The following PDLIM2 variants were observed in gnomAD, a reference collection of about 807,000 sequenced individuals.
PDLIM2 encodes PDZ and LIM domain protein 2.
PDLIM2 carries 51 observed loss-of-function variants against 54.1 expected under a neutral mutation model. The observed-to-expected ratio is 0.94, with a 90% confidence interval of 0.75 to 1.19. The LOEUF is 1.19. Among genes scored for constraint, PDLIM2 ranks in the 50% most tolerant of loss-of-function variants. The pLI, the probability that PDLIM2 is intolerant of heterozygous loss-of-function variation, is 0.00. For missense variants in PDLIM2, 912 were observed against 874.0 expected (o/e 1.04, Z -0.55); for synonymous variants, 398 against 385.6 (o/e 1.03, Z -0.38).
chr8:22,579,074 G>A, exon 1 of PDLIM2: 1 of 1,251,128 alleles, frequency 8.0e-7, no homozygotes, highest in Non-Finnish European at 1.0e-6. Flanking sequence ...CGGCAGGGGC[G>A]GCCCCGGGAT....
chr8:22,589,590 C>T lies in PDLIM2; in HGVS notation c.1368-6C>T. ...CCCTCATTCCTGGCTGCCTCCCACC[C>T]TGCAGCATGGACTCGGAAGGGGGAA... On this transcript the variant is annotated splice_region_variant and splice_polypyrimidine_tract_variant and intron_variant, in intron 7 of 9. Coordinates refer to ENST00000308354, the Ensembl canonical transcript of PDLIM2. 6.2e-7 allele frequency: 1 copy of T among 1,600,906 alleles called. No individual in the cohort carries two copies.
At position 22,581,286 on chromosome 8, in the gene PDLIM2, C is replaced by T. The variant is rs1044950253; in HGVS notation, c.844-93C>T. The T allele has an allele frequency of 2.9e-5, 44 of 1,494,184 alleles. No homozygotes were observed. In the African/African-American group the frequency reaches 4.0e-4, roughly 14 times the overall value. The allele number at this position is 1,494,184 out of a possible 1,614,324, so 92.6% of individuals were successfully genotyped here. A position where few individuals can be genotyped will look rare whatever the true frequency, so the allele number is the denominator to read the frequency against. ...CAGGAGGGTGCAGGCCGGCCTGGGTCAAGCCAGCCTCTGTGTTTCTTGGGT... is the reference window on the plus strand; with the variant it reads ...CAGGAGGGTGCAGGCCGGCCTGGGTTAAGCCAGCCTCTGTGTTTCTTGGGT... On this transcript the variant is annotated intron_variant, in intron 2 of 9. Coordinates refer to ENST00000308354, the Ensembl canonical transcript of PDLIM2.
rs368608284 is a variant in PDLIM2 at position 22,589,772 on chromosome 8, G to A, written c.1513+31G>A. ...GGTCTGGGGGGCTGGGGAGGGGAAGGAGGTTCCCTTCCGTACCCCGGGCCC... is the reference window on the plus strand; with the variant it reads ...GGTCTGGGGGGCTGGGGAGGGGAAGAAGGTTCCCTTCCGTACCCCGGGCCC... On this transcript the variant is annotated intron_variant, in intron 8 of 9. Transcript: ENST00000308354. The A allele has an allele frequency of 2.6e-4, 408 of 1,554,000 alleles. 3 individuals carry two copies. Among genetic ancestry groups the A allele is most frequent in the Non-Finnish European group, 9.2e-5 (106 of 1,148,628 alleles).
At chr8:22,580,336 G>C (rs1800151482) in intron 1 of PDLIM2, 139 bp from the exon 1 acceptor site, 7 of 693,448 alleles carry the variant, frequency 1.0e-5, no homozygotes, top group Non-Finnish European at 1.3e-5. Context: ...CTGGCAGCCT[G>C]GGCAGCCCCC....
intron 9 of PDLIM2, 111 bp from the exon 9 acceptor site, chr8:22,593,622 C>T: frequency 1.5e-6 from 1 of 650,430 alleles, no homozygotes; most frequent in Non-Finnish European, 2.4e-6. Flanking sequence ...TCTGAGAAGG[C>T]TTTGGGCTCC....
chr8:22,593,900 C>T lies in PDLIM2; in HGVS notation c.1799C>T (p.Ser600Phe), dbSNP rs772541765. Residue 600 changes from serine to phenylalanine, a missense_variant, in exon 10 of 10, where the codon TCT becomes TTT. By Grantham distance (155) the Ser-to-Phe change is radical. Coordinates refer to ENST00000308354, the Ensembl canonical transcript of PDLIM2. ...TACTCCGCACCTGCCACCCTCAGCT[C>T]TCGGGCCTGAGCCCGCCATGCCCTC... is the stretch of plus-strand genomic sequence containing the variant. 44 of 1,546,284 alleles carry T rather than the reference C, an allele frequency of 2.8e-5. No individual in the cohort carries two copies. The East Asian group carries it at 8.8e-4, about 31-fold the overall frequency.
intron 2 of PDLIM2, 149 bp downstream of exon 1, chr8:22,580,846 CCCTTT>C: frequency 1.1e-6 from 1 of 896,130 alleles, no homozygotes; most frequent in Non-Finnish European, 1.8e-6. Flanking sequence ...GGAGCCGTGG[CCCTTT>C]GCCACGGGGA....
rs762668954 is a variant in PDLIM2 at position 22,593,850 on chromosome 8, C to A, written c.1749C>A (p.Tyr583Ter). Residue 583 changes from tyrosine (Y) to a stop codon, truncating the protein, a stop_gained, in exon 10 of 10, where the codon TAC becomes TAA. Coordinates refer to ENST00000308354, the Ensembl canonical transcript of PDLIM2. LOFTEE classifies it high-confidence loss of function. ...ACTTCTGGGTGGGTGACGAGCTGTA[C>A]TGTGAGAAGCATGCCCGCCAGCGCT... 1 of 1,574,588 alleles carries A rather than the reference C, an allele frequency of 6.4e-7. No individual in the cohort carries two copies.
chr8:22,584,981 G>T (rs1211999753), intron 4 of PDLIM2, 36 bp from the exon 4 acceptor site: 1 of 1,613,112 alleles, frequency 6.2e-7, no homozygotes, highest in Non-Finnish European at 8.5e-7. Context: ...TGGCGGGGCA[G>T]CCCTGCCTTT....
intron 5 of PDLIM2, 59 bp downstream of exon 4, chr8:22,585,221 C>A (rs1800341044): frequency 1.9e-6 from 3 of 1,605,104 alleles, no homozygotes; most frequent in African/African-American, 1.3e-5. Flanking sequence ...CAGGCTGGCT[C>A]CTCTGAGTCT....
intron 8 of PDLIM2, chr8:22,590,010 G>A (rs1372213861): frequency 6.4e-6 from 3 of 465,540 alleles, no homozygotes; most frequent in Non-Finnish European, 1.2e-5. Context: ...TGATAAAAGC[G>A]GTGGCAGGGC....
chr8:22,581,144 C>G, intron 2 of PDLIM2: 1 of 665,330 alleles, frequency 1.5e-6, no homozygotes, highest in South Asian at 1.7e-5. Context: ...TGAAATTCTG[C>G]CACTGCACAT....
At chr8:22,579,226 T>C in exon 1 of PDLIM2, 1 of 1,379,426 alleles carries the variant, frequency 7.2e-7, no homozygotes, top group South Asian at 1.7e-5. Flanking sequence ...GGCAGCCAGG[T>C]GAGCGCGCCC....
exon 10 of PDLIM2, chr8:22,594,192 C>T (rs1208791571): frequency 8.6e-6 from 12 of 1,403,018 alleles, no homozygotes; most frequent in Admixed American, 3.1e-5. Flanking sequence ...TAAGTAGGGT[C>T]GAACACAGAA....
chr8:22,583,232 G>A (rs928559672), intron 3 of PDLIM2, among the ~76,000 whole-genome samples: 2 of 152,070 alleles, frequency 1.3e-5, no homozygotes, highest in East Asian at 3.9e-4. Flanking sequence ...TGCCCCTCTC[G>A]CTGGTGGGGA....
chr8:22,579,688 G>A (rs1402830849), intron 1 of PDLIM2: 1 of 900,772 alleles, frequency 1.1e-6, no homozygotes, highest in Non-Finnish European at 1.5e-6. Flanking sequence ...TGCGTCCCCA[G>A]GGCAGCCCCA....
At chr8:22,580,566 G>T (rs1800157650) in intron 1 of PDLIM2, 1 of 1,613,324 alleles carries the variant, frequency 6.2e-7, no homozygotes, top group African/African-American at 1.3e-5. Flanking sequence ...AGCCGGCTAG[G>T]GGCATGGACT....
chr8:22,591,304 G>A, intron 8 of PDLIM2: 1 of 567,380 alleles, frequency 1.8e-6, no homozygotes. Flanking sequence ...ACCTGACACT[G>A]AGCACAGATG....
Position 22,581,510 on chromosome 8 carries a change from C to G in PDLIM2, c.975C>G (p.Pro325=), listed in dbSNP as rs776720119. The G allele has an allele frequency of 8.8e-6, 14 of 1,590,066 alleles. No individual in the cohort carries two copies. In the Admixed American group the frequency reaches 2.2e-4, roughly 25 times the overall value. ...GCAAGATCCGCCAGAGCCCCTCGCC[C>G]CTGCGGCTGCAGCTGGACCGGTAGG... The change falls in exon 3 of 10, where the codon CCC becomes CCG. Residue 325 remains proline (P), a synonymous_variant. Transcript: ENST00000308354.
Sources: gnomAD v4.1 joint callset for allele counts (sites outside exome capture counted in the v4.1 genomes callset) on GRCh38, gnomAD v4.1.1 for gene constraint, MANE v1.5 for transcripts, NCBI Gene and HGNC (gene_info 2026-07-23, HGNC 2026-07-21) for gene names.